FOXP1: variants seen among roughly 807,000 people sequenced by gnomAD.
FOXP1 encodes forkhead box P1, also known as forkhead box protein P1.
Under a neutral mutation model 98.2 loss-of-function variants are expected in FOXP1, and 15 were observed. The observed-to-expected ratio is 0.15, with a 90% CI of 0.10 to 0.24. The LOEUF (loss-of-function observed/expected upper bound fraction) is 0.24. Among genes scored for constraint, FOXP1 ranks in the 10% least tolerant of loss-of-function variants. The probability of loss-of-function intolerance (pLI) is 1.00; values close to 1 mark genes in which losing one functional copy is unlikely to be tolerated. For missense variants in FOXP1, 633 were observed against 848.5 expected (o/e 0.75, Z 3.15); for synonymous variants, 371 against 314.5 (o/e 1.18, Z -1.90).
chr3:71,147,197 GC>G (rs1164737647), intron 6 of FOXP1, among the ~76,000 whole-genome samples: 1 of 152,098 alleles, frequency 6.6e-6, no homozygotes, highest in African/African-American at 2.4e-5. Flanking sequence ...TTCCCTTCTT[GC>G]CCCCTATAAT....
chr3:71,179,339 T>G (rs561443972), intron 6 of FOXP1, among the ~76,000 whole-genome samples: 1 of 151,842 alleles, frequency 6.6e-6, no homozygotes, highest in East Asian at 1.9e-4. Flanking sequence ...AACTCCTGAG[T>G]TCAAGTGATC....
At chr3:71,063,749 C>A (rs1412988584) in intron 7 of FOXP1, among the ~76,000 whole-genome samples, 1 of 152,154 alleles carries the variant, frequency 6.6e-6, no homozygotes, top group African/African-American at 2.4e-5. Flanking sequence ...AGGTGATTTG[C>A]ATTTTAAAAT....
chr3:71,048,057 A>G (rs1416645611), intron 9 of FOXP1, among the ~76,000 whole-genome samples: 1 of 152,198 alleles, frequency 6.6e-6, no homozygotes, highest in African/African-American at 2.4e-5. Flanking sequence ...TTAATCTGCT[A>G]GCAATCGTAT....
intron 6 of FOXP1, among the ~76,000 whole-genome samples, chr3:71,164,091 A>G (rs942908499): frequency 2.0e-5 from 3 of 152,254 alleles, no homozygotes; most frequent in African/African-American, 7.2e-5. Flanking sequence ...AGTTGGTTCC[A>G]AAGTAATGAG....
intron 2 of FOXP1, among the ~76,000 whole-genome samples, chr3:71,550,863 C>G (rs1381002042): frequency 6.6e-6 from 1 of 152,184 alleles, no homozygotes; most frequent in African/African-American, 2.4e-5. Context: ...ATGCCATTGC[C>G]GCTTCCGAGA....
intron 5 of FOXP1, among the ~76,000 whole-genome samples, chr3:71,218,431 T>C (rs995474968): frequency 5.9e-5 from 9 of 152,220 alleles, no homozygotes; most frequent in African/African-American, 2.2e-4. Context: ...GTTGTCCTCC[T>C]CATTCCTGGT....
At chr3:71,412,310 C>A (rs981249077) in intron 3 of FOXP1, among the ~76,000 whole-genome samples, 2 of 152,172 alleles carry the variant, frequency 1.3e-5, no homozygotes, top group Non-Finnish European at 2.9e-5. Flanking sequence ...TCCCAAACTA[C>A]CTTCTGCAAA....
chr3:71,503,601 G>GGA (rs1553903201), intron 2 of FOXP1, among the ~76,000 whole-genome samples: 26 of 75,726 alleles, frequency 3.4e-4, no homozygotes, highest in Non-Finnish European at 5.5e-4. Context: ...ACTCTGTCTC[G>GGA]AAAAAAAAAA....
chr3:71,517,238 A>T (rs931419653), intron 2 of FOXP1, among the ~76,000 whole-genome samples: 2 of 152,222 alleles, frequency 1.3e-5, no homozygotes, highest in African/African-American at 4.8e-5. Flanking sequence ...GATGATAATG[A>T]CAACACATCT....
Position 70,959,342 on chromosome 3 carries a change from C to G in FOXP1, c.1939G>C (p.Gly647Arg), listed in dbSNP as rs2032632556. 1 of 1,614,106 alleles carries G rather than the reference C, an allele frequency of 6.2e-7. No individual in the cohort carries two copies. The highest frequency in any genetic ancestry group is 8.5e-7 in the Non-Finnish European group (1 of 1,180,030). Residue 647 changes from glycine (G) to arginine (R), a missense_variant, in exon 21 of 21, where the codon GGG becomes CGG. Physicochemically the swap from Gly to Arg is moderately radical, Grantham distance 125. Coordinates refer to ENST00000649528, the MANE Select transcript of FOXP1 (RefSeq NM_001349338.3). Reference protein sequence around the residue: ...EEPLDPEEAEGPLSLVTTANH... With the variant: ...EEPLDPEEAERPLSLVTTANH... ...GCTGTTGTCACTAAGGACAGGGGCC[C>G]TTCAGCTTCCTCTGGATCGAGGGGC...
intron 3 of FOXP1, among the ~76,000 whole-genome samples, chr3:71,437,652 C>A (rs1441104639): frequency 6.6e-6 from 1 of 152,118 alleles, no homozygotes; most frequent in East Asian, 1.9e-4. Context: ...GCTCCACCAT[C>A]CTCTCTCTCC....
intron 2 of FOXP1, among the ~76,000 whole-genome samples, chr3:71,544,540 T>TA (rs1205077081): frequency 6.6e-6 from 1 of 152,148 alleles, no homozygotes; most frequent in Non-Finnish European, 1.5e-5. Flanking sequence ...GGCAAAAACA[T>TA]ACGTTTCCAA....
intron 3 of FOXP1, among the ~76,000 whole-genome samples, chr3:71,461,169 T>G (rs1411153503): frequency 1.3e-5 from 2 of 152,222 alleles, no homozygotes; most frequent in Non-Finnish European, 2.9e-5. Context: ...GCCTAAAAGT[T>G]ATAAATCTCT....
Position 71,583,622 on chromosome 3 carries a change from C to G in FOXP1, c.-498G>C. ...ACTAAGGTGTTTTCGGGCCTTTCCC[C>G]GCGCGCGCCCACTCCCGCCCGCGCG... is the stretch of plus-strand genomic sequence containing the variant. On this transcript the variant is annotated 5_prime_UTR_variant, in exon 1 of 21. Transcript: ENST00000649528. 1.0e-6 allele frequency: 1 copy of G among 984,228 alleles called. No individual in the cohort carries two copies. Among genetic ancestry groups the G allele is most frequent in the South Asian group, 4.7e-5 (1 of 21,228 alleles). The allele number at this position is 984,228 out of a possible 1,614,324, so 61.0% of individuals were successfully genotyped here.
chr3:71,038,157 T>C (rs1243111299), intron 11 of FOXP1, among the ~76,000 whole-genome samples: 1 of 152,130 alleles, frequency 6.6e-6, no homozygotes, highest in African/African-American at 2.4e-5. Context: ...CCAAATGGCA[T>C]GGAAATACAT....
chr3:71,578,472 T>C (rs1299556509), intron 2 of FOXP1, among the ~76,000 whole-genome samples: 2 of 152,252 alleles, frequency 1.3e-5, no homozygotes, highest in African/African-American at 4.8e-5. Flanking sequence ...ATAGGTACTG[T>C]AACACCTAAC....
intron 3 of FOXP1, among the ~76,000 whole-genome samples, chr3:71,491,970 A>T (rs2091090888): frequency 6.6e-6 from 1 of 152,210 alleles, no homozygotes. Context: ...ATAAGCTAGA[A>T]AGAACCACTG....
chr3:71,127,008 T>C (rs576093433), intron 6 of FOXP1, among the ~76,000 whole-genome samples: 4 of 151,594 alleles, frequency 2.6e-5, no homozygotes, highest in Admixed American at 1.3e-4. Context: ...TGAGTAGAGA[T>C]TTTTTTTTCA....
At chr3:71,582,866 G>A (rs2048298245) in intron 1 of FOXP1, 16 of 948,424 alleles carry the variant, frequency 1.7e-5, no homozygotes, top group Non-Finnish European at 2.0e-5. Flanking sequence ...GGTAACGCGC[G>A]CGTGGCAGCG....
Sources: gnomAD v4.1 joint callset for allele counts (sites outside exome capture counted in the v4.1 genomes callset) on GRCh38, gnomAD v4.1.1 for gene constraint, MANE v1.5 for transcripts, NCBI Gene and HGNC (gene_info 2026-07-23, HGNC 2026-07-21) for gene names.